The following ZFHX4 variants were observed in gnomAD, a reference collection of about 807,000 sequenced individuals.
ZFHX4 encodes zinc finger homeobox protein 4.
ZFHX4 carries 56 observed loss-of-function variants against 267.6 expected under a neutral mutation model. The ratio of observed to expected loss-of-function variants is 0.21; its 90% confidence interval spans 0.17 to 0.26. ZFHX4 has a LOEUF of 0.26. Among genes scored for constraint, ZFHX4 ranks in the 10% least tolerant of loss-of-function variants. The pLI is 1.00. For missense variants in ZFHX4, 4,332 were observed against 4,420.0 expected (o/e 0.98, Z 0.56); for synonymous variants, 1,778 against 1,665.6 (o/e 1.07, Z -1.64).
intron 4 of ZFHX4, among the ~76,000 whole-genome samples, chr8:76,821,746 T>C (rs1811654451): frequency 6.6e-6 from 1 of 152,168 alleles, no homozygotes; most frequent in African/African-American, 2.4e-5. Context: ...GCCTGCTGTA[T>C]TTTTGTTTTT....
chr8:76,823,508 T>C (rs960465590), intron 4 of ZFHX4, among the ~76,000 whole-genome samples: 2 of 152,204 alleles, frequency 1.3e-5, no homozygotes, highest in Admixed American at 1.3e-4. Flanking sequence ...CTAATCTTCC[T>C]TTTCTGGGGC....
intron 3 of ZFHX4, among the ~76,000 whole-genome samples, chr8:76,733,908 A>C (rs757795176): frequency 7.2e-5 from 11 of 152,186 alleles, no homozygotes; most frequent in Non-Finnish European, 1.0e-4. Flanking sequence ...TTGATAATAG[A>C]TGTCATCATT....
At chr8:76,835,497 A>G (rs1286268228) in intron 5 of ZFHX4, among the ~76,000 whole-genome samples, 1 of 151,860 alleles carries the variant, frequency 6.6e-6, no homozygotes, top group Non-Finnish European at 1.5e-5. Flanking sequence ...ATATTGGAAT[A>G]CTTAAAATAA....
chr8:76,805,388 G>A (rs1282418633), intron 4 of ZFHX4, among the ~76,000 whole-genome samples: 1 of 152,038 alleles, frequency 6.6e-6, no homozygotes, highest in Non-Finnish European at 1.5e-5. Flanking sequence ...AGATCATAAA[G>A]GACTACCTAA....
chr8:76,695,174 G>A (rs912107120), intron 1 of ZFHX4, among the ~76,000 whole-genome samples: 1 of 152,128 alleles, frequency 6.6e-6, no homozygotes, highest in Non-Finnish European at 1.5e-5. Flanking sequence ...CATTCTCCAG[G>A]CTACAGGCCA....
intron 3 of ZFHX4, among the ~76,000 whole-genome samples, chr8:76,764,577 T>A (rs1810003492): frequency 6.6e-6 from 1 of 152,204 alleles, no homozygotes; most frequent in South Asian, 2.1e-4. Flanking sequence ...ATTAGAATCT[T>A]GAGTATAAAA....
In ZFHX4 at chr8:76,699,077, C is replaced by T. The variant is rs1394549292; in HGVS notation, c.-46-4966C>T. ...TTCACTCCGAATCAGCTGTAATTAA[C>T]TCCAGAGTGTTTCCAGATTGCCAGC... On this transcript the variant is annotated intron_variant, in intron 1 of 10. Coordinates refer to ENST00000651372, the MANE Select transcript of ZFHX4 (RefSeq NM_024721.5). Among the ~76,000 whole-genome samples, 6 of 152,158 alleles carry T rather than the reference C, an allele frequency of 3.9e-5. No homozygotes were observed. In the East Asian group the frequency reaches 1.2e-3, roughly 29 times the overall value.
rs753453648 is a variant in ZFHX4, at chr8:76,856,192, G to T, written c.9271G>T (p.Gly3091Cys). Residue 3091 changes from glycine (G) to cysteine (C), a missense_variant, in exon 10 of 11, where the codon GGC becomes TGC. By Grantham distance (159) the Gly-to-Cys change is radical. Transcript: ENST00000651372. The part of the protein sequence containing the change: ...PGMMDSSSLH[G>C]ISLPTAYPGL... ...CATGATGGACAGCAGTTCTCTCCAC[G>T]GCATCAGCCTGCCAACAGCCTACCC... The T allele has an allele frequency of 9.3e-6, 15 of 1,613,932 alleles. No homozygotes were observed. The highest frequency in any genetic ancestry group is 1.2e-5 in the Non-Finnish European group (14 of 1,179,856).
At chr8:76,847,314 G>T (rs554459815) in intron 6 of ZFHX4, among the ~76,000 whole-genome samples, 4 of 151,870 alleles carry the variant, frequency 2.6e-5, no homozygotes, top group Non-Finnish European at 5.9e-5. Context: ...CATATCTTTC[G>T]ATATCAAATA....
intron 2 of ZFHX4, among the ~76,000 whole-genome samples, 171 bp from the exon 3 acceptor site, chr8:76,707,375 A>C (rs1808303790): frequency 6.6e-6 from 1 of 152,214 alleles, no homozygotes; most frequent in African/African-American, 2.4e-5. Flanking sequence ...GAGGGAATTT[A>C]GAAGTTGAAA....
At chr8:76,739,003 C>G (rs78825266) in intron 3 of ZFHX4, among the ~76,000 whole-genome samples, 9,254 of 152,140 alleles carry the variant, frequency 0.061, 370 homozygotes, top group Non-Finnish European at 0.089. Context: ...CTGTGAGCCA[C>G]CATGCCCGGT....
chr8:76,691,342 A>C (rs1295305163), intron 1 of ZFHX4, among the ~76,000 whole-genome samples: 1 of 152,036 alleles, frequency 6.6e-6, no homozygotes, highest in Non-Finnish European at 1.5e-5. Flanking sequence ...AAAAATACTG[A>C]TGATTTCAGT....
At chr8:76,772,989 G>A (rs567339787) in intron 3 of ZFHX4, among the ~76,000 whole-genome samples, 4 of 152,044 alleles carry the variant, frequency 2.6e-5, no homozygotes, top group African/African-American at 7.2e-5. Flanking sequence ...GAAAAACCTC[G>A]TTGTATGAGG....
In ZFHX4 at chr8:76,705,183, C is replaced by T. The variant is rs770274276; in HGVS notation, c.1095C>T (p.Ser365=). 10 of 1,613,888 alleles carry T rather than the reference C, an allele frequency of 6.2e-6. No homozygotes were observed. In the African/African-American group the frequency reaches 9.3e-5, roughly 15 times the overall value. The change falls in exon 2 of 11, where the codon AGC becomes AGT. Residue 365 remains serine, a synonymous_variant. Coordinates refer to ENST00000651372, the MANE Select transcript of ZFHX4 (RefSeq NM_024721.5). ...ATCCAACCTTCCGCGGTTTATGGAG[C>T]GCTTTTCATGTTGAAAATGGTGACT... ...GPDPTFRGLW[S]AFHVENGDSL... is the part of the protein sequence containing the mutation.
In ZFHX4 at chr8:76,685,221, C is replaced by T. The variant is rs540162756; in HGVS notation, c.-47+3601C>T. 4.4e-4 allele frequency among the ~76,000 whole-genome samples: 67 copies of T among 152,194 alleles called. 1 individual carries two copies. The highest frequency in any genetic ancestry group is 3.2e-4 in the Non-Finnish European group (22 of 68,036). ...GATTGGCTCTGACTTCACCAAGGGTCGACAATGTGTCATTTCCACGAAGCC... is the reference window on the plus strand; with the variant it reads ...GATTGGCTCTGACTTCACCAAGGGTTGACAATGTGTCATTTCCACGAAGCC... On this transcript the variant is annotated intron_variant, in intron 1 of 10. Coordinates refer to ENST00000651372, the MANE Select transcript of ZFHX4 (RefSeq NM_024721.5).
chr8:76,805,017 C>T (rs1811210147), intron 4 of ZFHX4, among the ~76,000 whole-genome samples: 1 of 152,110 alleles, frequency 6.6e-6, no homozygotes, highest in Non-Finnish European at 1.5e-5. Flanking sequence ...CCTCCACATG[C>T]AGGTGAAAGG....
chr8:76,851,310 G>T lies in ZFHX4; in HGVS notation c.4389G>T (p.Leu1463Phe), dbSNP rs1812514101. ...AACTTCAACAGCTATATGCCTCCTT[G>T]CCCGTGAATGGAGAACTGTGGGCAG... ...EAELQQLYAS[L>F]PVNGELWAES... is the part of the protein sequence containing the mutation. The change falls in exon 10 of 11, where the codon TTG becomes TTT. Residue 1463 changes from leucine (L) to phenylalanine (F), a missense_variant. Transcript: ENST00000651372. 6.2e-7 allele frequency: 1 copy of T among 1,613,738 alleles called. No homozygotes were observed.
At chr8:76,744,167 G>A (rs1042052647) in intron 3 of ZFHX4, among the ~76,000 whole-genome samples, 4 of 151,936 alleles carry the variant, frequency 2.6e-5, no homozygotes, top group East Asian at 2.0e-4. Flanking sequence ...CCAATATGGC[G>A]AAACCCTGTC....
Position 76,863,072 on chromosome 8 carries a change from ATC to A in ZFHX4, c.9380-16_9380-15del. 3 of 1,486,350 alleles carry A rather than the reference ATC, an allele frequency of 2.0e-6. No homozygotes were observed. The highest frequency in any genetic ancestry group is 2.7e-6 in the Non-Finnish European group (3 of 1,117,462). 92.1% of individuals were successfully genotyped at this position (1,486,350 alleles called of 1,614,324 possible). A position where few individuals can be genotyped will look rare whatever the true frequency, so the allele number is the denominator to read the frequency against. On this transcript the variant is annotated intron_variant, in intron 10 of 10. Coordinates refer to ENST00000651372, the MANE Select transcript of ZFHX4 (RefSeq NM_024721.5). ...GTTGGTCTGTACATTGACAGTGGCC[ATC>A]TCTCTGTTGTTGTTTTCAGCTTTAA...
Sources: gnomAD v4.1 joint callset for allele counts (sites outside exome capture counted in the v4.1 genomes callset) on GRCh38, gnomAD v4.1.1 for gene constraint, MANE v1.5 for transcripts, NCBI Gene and HGNC (gene_info 2026-07-23, HGNC 2026-07-21) for gene names.